Variants in AAGAB observed in about 807,000 individuals in gnomAD.
The protein encoded by AAGAB is alpha- and gamma-adaptin-binding protein p34.
A neutral mutation model predicts 44.1 loss-of-function variants in AAGAB; 38 were observed. The observed-to-expected ratio is 0.86, with a 90% CI of 0.67 to 1.13. The LOEUF is 1.13. AAGAB is among the 50% of genes most tolerant of loss of function. The pLI, the probability that AAGAB is intolerant of heterozygous loss-of-function variation, is 0.00. For missense variants in AAGAB, 450 were observed against 373.8 expected, an observed-to-expected ratio of 1.20 and a Z score of -1.68; for synonymous variants, 131 against 131.8, an observed-to-expected ratio of 0.99 and a Z score of 0.04.
intron 7 of AAGAB, among the ~76,000 whole-genome samples, chr15:67,206,594 A>G (rs1963690563): frequency 6.6e-6 from 1 of 152,006 alleles, no homozygotes; most frequent in African/African-American, 2.4e-5. Flanking sequence ...TGTTTATTCA[A>G]TTATTTATTT....
At chr15:67,227,460 AATCTTATGTATATTTAACCAC>A (rs1345345632) in intron 5 of AAGAB, among the ~76,000 whole-genome samples, 12 of 152,350 alleles carry the variant, frequency 7.9e-5, no homozygotes, top group African/African-American at 2.9e-4. Context: ...TTAAATGGTA[AATCTTATGTATATTTAACCAC>A]ATCTTATGTA....
intron 7 of AAGAB, among the ~76,000 whole-genome samples, chr15:67,206,404 A>G (rs1455641830): frequency 6.6e-6 from 1 of 152,228 alleles, no homozygotes; most frequent in Admixed American, 6.5e-5. Flanking sequence ...ATAAATAAAC[A>G]TCTTGAGAGA....
At chr15:67,243,624 G>C (rs2140391516) in intron 1 of AAGAB, among the ~76,000 whole-genome samples, 1 of 152,240 alleles carries the variant, frequency 6.6e-6, no homozygotes, top group South Asian at 2.1e-4. Flanking sequence ...GGAATTGTCT[G>C]GGCCAAAAGA....
At chr15:67,203,286 A>G (rs1177636494) in intron 9 of AAGAB, among the ~76,000 whole-genome samples, 1 of 152,218 alleles carries the variant, frequency 6.6e-6, no homozygotes, top group Non-Finnish European at 1.5e-5. Context: ...AACAACTAAG[A>G]GTTTTCTGGC....
chr15:67,208,889 T>A (rs534336195), intron 6 of AAGAB, among the ~76,000 whole-genome samples: 1 of 152,342 alleles, frequency 6.6e-6, no homozygotes, highest in East Asian at 1.9e-4. Context: ...TGCTTTAGAC[T>A]ACTAAAACAT....
intron 1 of AAGAB, 75 bp from the exon 2 acceptor site, chr15:67,236,895 C>T (rs2140381121): frequency 8.3e-7 from 1 of 1,199,168 alleles, no homozygotes; most frequent in Non-Finnish European, 1.2e-6. Flanking sequence ...AGTCAGATAC[C>T]AGATAAAGCT....
chr15:67,235,680 C>T (rs1413731796), intron 4 of AAGAB, among the ~76,000 whole-genome samples: 1 of 152,120 alleles, frequency 6.6e-6, no homozygotes, highest in East Asian at 1.9e-4. Context: ...TCTCCTTCTT[C>T]AGCAGTAGGG....
intron 5 of AAGAB, among the ~76,000 whole-genome samples, chr15:67,215,930 A>G (rs1963934112): frequency 6.6e-6 from 1 of 152,224 alleles, no homozygotes; most frequent in South Asian, 2.1e-4. Context: ...AACAGGCCTA[A>G]GCACCGTACC....
At chr15:67,217,909 C>T (rs1461514058) in intron 5 of AAGAB, among the ~76,000 whole-genome samples, 1 of 152,162 alleles carries the variant, frequency 6.6e-6, no homozygotes, top group Admixed American at 6.5e-5. Context: ...GAGATTTCTG[C>T]CATGGAATCC....
chr15:67,248,032 C>T (rs1014960957), intron 1 of AAGAB, among the ~76,000 whole-genome samples: 3 of 152,162 alleles, frequency 2.0e-5, no homozygotes, highest in Non-Finnish European at 4.4e-5. Flanking sequence ...GAAACCACAG[C>T]TTTACTGAAC....
At chr15:67,218,439 GAAACAAAC>G (rs34755684) in intron 5 of AAGAB, among the ~76,000 whole-genome samples, 26 of 151,614 alleles carry the variant, frequency 1.7e-4, no homozygotes, top group Middle Eastern at 3.4e-3. Flanking sequence ...AACCTAGCCT[GAAACAAAC>G]AAACAAACAA....
intron 1 of AAGAB, among the ~76,000 whole-genome samples, chr15:67,240,444 G>A (rs1964569073): frequency 6.6e-6 from 1 of 152,170 alleles, no homozygotes; most frequent in Non-Finnish European, 1.5e-5. Flanking sequence ...CAGCCACCTG[G>A]TGGAGCTGTA....
chr15:67,203,558 T>C lies in AAGAB; in HGVS notation c.860A>G (p.His287Arg), dbSNP rs1003846421. Residue 287 changes from histidine (H) to arginine (R), a missense_variant, in exon 9 of 10, where the codon CAT (histidine) becomes CGT (arginine). By Grantham distance (29) the His-to-Arg change is conservative. Coordinates refer to ENST00000261880, the MANE Select transcript of AAGAB (RefSeq NM_024666.5). ...ATLPHEQRKV[H>R]AEKVAKAFWM... ...GGCTGATTGTCTCACCTTTTCTGCA[T>C]GCACTTTTCTTTGCTCATGAGGAAG... The C allele has an allele frequency of 4.3e-6, 7 of 1,613,628 alleles. No homozygotes were observed. Among genetic ancestry groups the C allele is most frequent in the East Asian group, 2.2e-5 (1 of 44,884 alleles).
rs575906149 is a variant in AAGAB at position 67,244,803 on chromosome 15, T to G, written c.74-7983A>C. On this transcript the variant is annotated intron_variant, in intron 1 of 9. Transcript: ENST00000261880. Reference sequence around the variant, plus strand: ...TGGGCAAGAGAGTGAGACTCCGTCTTAAAAAAATAAAATAGTTAAAAAAAA... The same window carrying G: ...TGGGCAAGAGAGTGAGACTCCGTCTGAAAAAAATAAAATAGTTAAAAAAAA... Among the ~76,000 whole-genome samples the G allele has an allele frequency of 6.6e-4, 99 of 150,124 alleles. 1 individual carries two copies. The highest frequency in any genetic ancestry group is 2.3e-3 in the African/African-American group (93 of 40,664).
At chr15:67,233,166 C>A (rs1000183601) in intron 4 of AAGAB, among the ~76,000 whole-genome samples, 1 of 152,072 alleles carries the variant, frequency 6.6e-6, no homozygotes, top group Non-Finnish European at 1.5e-5. Context: ...TGCTGGAAAC[C>A]ATAGAATAAT....
intron 5 of AAGAB, among the ~76,000 whole-genome samples, chr15:67,230,184 G>A (rs1170176515): frequency 6.6e-6 from 1 of 152,016 alleles, no homozygotes; most frequent in Non-Finnish European, 1.5e-5. Flanking sequence ...CCCTTCTGTA[G>A]TGTCTCACTC....
At chr15:67,203,619 A>G in intron 8 of AAGAB, 22 bp from the exon 9 acceptor site, 1 of 1,610,960 alleles carries the variant, frequency 6.2e-7, no homozygotes, top group Non-Finnish European at 8.5e-7. Flanking sequence ...ATATATCTTA[A>G]GAAATTTGTC....
chr15:67,229,800 C>G (rs12915085), intron 5 of AAGAB, among the ~76,000 whole-genome samples: 34,735 of 151,770 alleles, frequency 0.23, 4,464 homozygotes, highest in East Asian at 0.48. Context: ...ACCTTTATCA[C>G]GGAAGATGGG....
intron 3 of AAGAB, 37 bp from the exon 4 acceptor site, chr15:67,236,105 A>G (rs747399003): frequency 6.8e-7 from 1 of 1,471,366 alleles, no homozygotes; most frequent in South Asian, 1.2e-5. Flanking sequence ...ATAAGTAAAA[A>G]GAAAATAAAA....
Sources: allele counts gnomAD v4.1 joint callset (sites outside exome capture counted in the v4.1 genomes callset), GRCh38; gene constraint gnomAD v4.1.1; transcripts MANE v1.5; gene names NCBI Gene and HGNC (gene_info 2026-07-23, HGNC 2026-07-21).